RPS6KA5: variants seen among roughly 807,000 people sequenced by gnomAD.
RPS6KA5 encodes the protein ribosomal protein S6 kinase alpha-5.
Under a neutral mutation model 85.5 loss-of-function variants are expected in RPS6KA5, and 27 were observed. The ratio of observed to expected loss-of-function variants is 0.32; its 90% confidence interval spans 0.23 to 0.44. RPS6KA5 has a LOEUF of 0.44. RPS6KA5 is among the 20% of genes least tolerant of loss of function. The pLI is 1.00. For missense variants in RPS6KA5, 811 were observed against 980.9 expected, an observed-to-expected ratio of 0.83 and a Z score of 2.31; for synonymous variants, 334 against 348.2, an observed-to-expected ratio of 0.96 and a Z score of 0.46.
At chr14:90,952,845 GCT>G (rs1253865914) in intron 3 of RPS6KA5, among the ~76,000 whole-genome samples, 1 of 152,194 alleles carries the variant, frequency 6.6e-6, no homozygotes, top group African/African-American at 2.4e-5. Flanking sequence ...ATTTTTGAAG[GCT>G]CTCAAGCTCA....
chr14:90,997,501 C>T (rs1011668189), intron 2 of RPS6KA5, among the ~76,000 whole-genome samples: 1 of 152,114 alleles, frequency 6.6e-6, no homozygotes, highest in Non-Finnish European at 1.5e-5. Flanking sequence ...ACCTCAGCCT[C>T]CCAAGTAGCT....
At chr14:91,003,767 A>G (rs896133090) in intron 1 of RPS6KA5, among the ~76,000 whole-genome samples, 1 of 152,166 alleles carries the variant, frequency 6.6e-6, no homozygotes, top group African/African-American at 2.4e-5. Flanking sequence ...CTCAAGTCCT[A>G]GGTCTTAGGA....
chr14:90,949,079 ATTAT>A (rs1316335602), intron 3 of RPS6KA5, among the ~76,000 whole-genome samples: 26 of 152,344 alleles, frequency 1.7e-4, no homozygotes, highest in African/African-American at 6.3e-4. Flanking sequence ...AGGAGTTTTA[ATTAT>A]ACCTGAACAC....
At chr14:90,898,260 C>A (rs2034952962) in intron 12 of RPS6KA5, among the ~76,000 whole-genome samples, 1 of 152,172 alleles carries the variant, frequency 6.6e-6, no homozygotes, top group South Asian at 2.1e-4. Context: ...ATGGTAAGGA[C>A]TGAATAAGAC....
chr14:90,998,604 AG>A (rs1280787085), intron 2 of RPS6KA5, among the ~76,000 whole-genome samples: 2 of 152,200 alleles, frequency 1.3e-5, no homozygotes, highest in Non-Finnish European at 2.9e-5. Flanking sequence ...GTAGGAATAA[AG>A]GGTATTATTT....
At chr14:90,935,597 C>T (rs796301370) in intron 5 of RPS6KA5, among the ~76,000 whole-genome samples, 20 of 152,260 alleles carry the variant, frequency 1.3e-4, no homozygotes, top group African/African-American at 4.8e-4. Flanking sequence ...AACTAAAATG[C>T]CTCTTACATT....
chr14:90,908,083 T>C lies in RPS6KA5; in HGVS notation c.807-1784A>G, dbSNP rs1464300181. On this transcript the variant is annotated intron_variant, in intron 7 of 16. Coordinates refer to ENST00000614987, the MANE Select transcript of RPS6KA5 (RefSeq NM_004755.4). The stretch of plus-strand genomic sequence containing the variant: ...ACCTTAAGAACATTTCAACTTGTAT[T>C]GGAAATCTACTCAATATCAGCTGCT... Among the ~76,000 whole-genome samples, 7 of 152,316 alleles carry C rather than the reference T, an allele frequency of 4.6e-5. No individual in the cohort carries two copies. In the East Asian group the frequency reaches 1.4e-3, roughly 29 times the overall value.
intron 8 of RPS6KA5, among the ~76,000 whole-genome samples, chr14:90,904,884 A>C (rs1197778458): frequency 6.6e-6 from 1 of 152,212 alleles, no homozygotes; most frequent in African/African-American, 2.4e-5. Context: ...TCCCAAATAG[A>C]GGGAGCAATG....
chr14:91,049,713 T>C (rs1022680319), intron 1 of RPS6KA5, among the ~76,000 whole-genome samples: 8 of 152,190 alleles, frequency 5.3e-5, no homozygotes, highest in African/African-American at 1.2e-4. Context: ...AATGAGAACA[T>C]GTTCTGAGAA....
At chr14:90,999,957 C>T (rs548371564) in intron 2 of RPS6KA5, among the ~76,000 whole-genome samples, 58 of 152,204 alleles carry the variant, frequency 3.8e-4, no homozygotes, top group African/African-American at 1.3e-3. Flanking sequence ...ATGTACATCC[C>T]GGAGAATTTT....
At chr14:91,028,215 C>T (rs895292262) in intron 1 of RPS6KA5, among the ~76,000 whole-genome samples, 1 of 152,080 alleles carries the variant, frequency 6.6e-6, no homozygotes, top group Non-Finnish European at 1.5e-5. Flanking sequence ...TCCATAACAC[C>T]CTTACAAAGA....
At position 91,025,809 on chromosome 14, in the gene RPS6KA5, C is replaced by CT. The variant is rs1311368828; in HGVS notation, c.104-24651dup. Among the ~76,000 whole-genome samples, 152 of 100,118 alleles carry CT rather than the reference C, an allele frequency of 1.5e-3. 1 individual carries two copies. Among genetic ancestry groups the CT allele is most frequent in the African/African-American group, 5.1e-3 (126 of 24,508 alleles). The allele number at this position is 100,118 out of a possible 152,430, so 65.7% of individuals were successfully genotyped here. ...AGCTAAATGCTAATGTCCTTTTTCT[C>CT]TTAAAAAAAAAAAAAAAAGATGAAT... On this transcript the variant is annotated intron_variant, in intron 1 of 16. Transcript: ENST00000614987.
At chr14:91,040,390 A>G (rs1351592128) in intron 1 of RPS6KA5, among the ~76,000 whole-genome samples, 1 of 152,214 alleles carries the variant, frequency 6.6e-6, no homozygotes, top group African/African-American at 2.4e-5. Flanking sequence ...CCTGGGCAAC[A>G]AGAGCGAAAG....
chr14:90,862,424 C>A lies in RPS6KA5; in HGVS notation c.*9650G>T. On this transcript the variant is annotated 3_prime_UTR_variant, in exon 17 of 17. Transcript: ENST00000614987. ...AAAGACAGAAAAATTACAGGTCTGTCCTTCTTCTTCCTCCTCCTCCTCCTC... is the reference window on the plus strand; with the variant it reads ...AAAGACAGAAAAATTACAGGTCTGTACTTCTTCTTCCTCCTCCTCCTCCTC... 2 of 148,002 alleles carry A rather than the reference C, an allele frequency of 1.4e-5. No homozygotes were observed. The highest frequency in any genetic ancestry group is 4.3e-4 in the South Asian group (2 of 4,680). The allele number at this position is 148,002 out of a possible 1,614,324, so 9.2% of individuals were successfully genotyped here.
chr14:90,909,804 AT>A (rs746107530), intron 7 of RPS6KA5, among the ~76,000 whole-genome samples: 1 of 152,078 alleles, frequency 6.6e-6, no homozygotes, highest in Non-Finnish European at 1.5e-5. Context: ...TATTATTATT[AT>A]TTTTTGAGAT....
chr14:91,026,995 TTTAAG>T (rs1156851008), intron 1 of RPS6KA5, among the ~76,000 whole-genome samples: 1 of 152,260 alleles, frequency 6.6e-6, no homozygotes, highest in African/African-American at 2.4e-5. Context: ...TGTTGAATTG[TTTAAG>T]TCCTTTATAG....
intron 1 of RPS6KA5, among the ~76,000 whole-genome samples, chr14:91,049,393 T>A (rs1428088005): frequency 6.6e-6 from 1 of 152,054 alleles, no homozygotes; most frequent in African/African-American, 2.4e-5. Flanking sequence ...GGTGGGTGGA[T>A]CACAAGGTCA....
intron 3 of RPS6KA5, 127 bp from the exon 4 acceptor site, chr14:90,947,677 T>C (rs971437448): frequency 1.0e-5 from 6 of 597,442 alleles, no homozygotes; most frequent in Admixed American, 8.9e-5. Context: ...CAATTTAGCA[T>C]ACAGTATCAT....
intron 1 of RPS6KA5, among the ~76,000 whole-genome samples, chr14:91,022,841 C>T (rs1334649258): frequency 2.0e-5 from 3 of 152,086 alleles, no homozygotes; most frequent in Non-Finnish European, 4.4e-5. Context: ...AATCCCAGCA[C>T]TTTGGGAGGC....
Sources: allele counts gnomAD v4.1 joint callset (sites outside exome capture counted in the v4.1 genomes callset), GRCh38; gene constraint gnomAD v4.1.1; transcripts MANE v1.5; gene names NCBI Gene and HGNC (gene_info 2026-07-23, HGNC 2026-07-21).